Variants in FMN1 observed in about 807,000 individuals in gnomAD.
FMN1 encodes formin 1.
Under a neutral mutation model 132.4 loss-of-function variants are expected in FMN1, and 110 were observed. The observed-to-expected ratio is 0.83, with a 90% CI of 0.71 to 0.97. The LOEUF is 0.97. FMN1 is among the 50% of genes least tolerant of loss of function. The probability of loss-of-function intolerance (pLI) is 0.00; values close to 1 mark genes in which losing one functional copy is unlikely to be tolerated. For missense variants in FMN1, 1,792 were observed against 1,705.3 expected (o/e 1.05, Z -0.90); for synonymous variants, 722 against 651.7 (o/e 1.11, Z -1.64).
At chr15:32,964,701 C>T (rs532156119) in intron 8 of FMN1, among the ~76,000 whole-genome samples, 1 of 152,298 alleles carries the variant, frequency 6.6e-6, no homozygotes, top group South Asian at 2.1e-4. Flanking sequence ...GAAGTAAAGA[C>T]CTGCCTCCTC....
chr15:32,834,659 A>G (rs2058582931), intron 17 of FMN1, among the ~76,000 whole-genome samples: 1 of 152,326 alleles, frequency 6.6e-6, no homozygotes, highest in South Asian at 2.1e-4. Context: ...TCCCACCGTT[A>G]TTATTTTCAG....
At chr15:33,152,887 C>G (rs569501454) in intron 4 of FMN1, among the ~76,000 whole-genome samples, 161 bp downstream of exon 4, 1 of 151,604 alleles carries the variant, frequency 6.6e-6, no homozygotes, top group African/African-American at 2.4e-5. Flanking sequence ...ATCATCTCCA[C>G]ACCCCGCTGT....
At chr15:32,972,364 CGCA>C (rs988258179) in intron 7 of FMN1, among the ~76,000 whole-genome samples, 9 of 152,154 alleles carry the variant, frequency 5.9e-5, no homozygotes, top group African/African-American at 1.9e-4. Flanking sequence ...TCTTTTCCTT[CGCA>C]GCAGAACTTT....
chr15:32,868,877 C>T (rs1051686558), intron 16 of FMN1, among the ~76,000 whole-genome samples: 1 of 152,018 alleles, frequency 6.6e-6, no homozygotes, highest in African/African-American at 2.4e-5. Flanking sequence ...CATTTCTCCT[C>T]TAAAAAACAT....
At chr15:33,146,029 T>C (rs1174781570) in intron 4 of FMN1, among the ~76,000 whole-genome samples, 1 of 151,562 alleles carries the variant, frequency 6.6e-6, no homozygotes, top group Non-Finnish European at 1.5e-5. Flanking sequence ...AGGCTGGAGT[T>C]CAGTGGTGCA....
chr15:32,900,005 G>C lies in FMN1; in HGVS notation c.3628C>G (p.Pro1210Ala). Residue 1210 changes from proline (P) to alanine (A), a missense_variant, in exon 14 of 21, where the codon CCC (proline) becomes GCC (alanine). By Grantham distance (27) the Pro-to-Ala change is conservative (BLOSUM62 -1). Transcript: ENST00000616417. ...CGACTTTTGACATCCTTGAGTTTGG[G>C]CAGAATTTCTAAGCTATATCCATCG... ...QADGYSLEIL[P>A]KLKDVKSRDN... The C allele has an allele frequency of 6.2e-7, 1 of 1,613,762 alleles. No individual in the cohort carries two copies. Among genetic ancestry groups the C allele is most frequent in the Non-Finnish European group, 8.5e-7 (1 of 1,179,818 alleles).
chr15:33,187,492 T>A (rs1216287079), intron 2 of FMN1, among the ~76,000 whole-genome samples: 1 of 152,178 alleles, frequency 6.6e-6, no homozygotes, highest in Non-Finnish European at 1.5e-5. Flanking sequence ...CCTGGCAGTG[T>A]CCCCAGAGAG....
chr15:33,051,369 C>A (rs954332446), intron 6 of FMN1, among the ~76,000 whole-genome samples: 1 of 152,134 alleles, frequency 6.6e-6, no homozygotes, highest in Non-Finnish European at 1.5e-5. Context: ...AGTCAGAAGA[C>A]CAACTTTCTA....
At chr15:32,852,404 G>C (rs1348508182) in intron 17 of FMN1, among the ~76,000 whole-genome samples, 1 of 152,000 alleles carries the variant, frequency 6.6e-6, no homozygotes, top group Non-Finnish European at 1.5e-5. Context: ...TTGTTTTTGA[G>C]ACAGCGTCTT....
At chr15:33,136,988 T>G (rs1488715724) in intron 4 of FMN1, among the ~76,000 whole-genome samples, 1 of 144,400 alleles carries the variant, frequency 6.9e-6, no homozygotes, top group Non-Finnish European at 1.5e-5. Flanking sequence ...CCTGGGAGGC[T>G]GAAGCAGAAG....
chr15:33,033,806 A>G (rs2036062752), intron 6 of FMN1, among the ~76,000 whole-genome samples: 1 of 152,118 alleles, frequency 6.6e-6, no homozygotes, highest in Non-Finnish European at 1.5e-5. Flanking sequence ...TGAGAAGATC[A>G]CAGTATTGTC....
chr15:32,843,568 A>G (rs1399396133), intron 17 of FMN1, among the ~76,000 whole-genome samples: 1 of 152,238 alleles, frequency 6.6e-6, no homozygotes, highest in African/African-American at 2.4e-5. Flanking sequence ...GTGGCTTTCT[A>G]CATTACTTAC....
At chr15:33,056,824 A>G (rs927732385) in intron 6 of FMN1, among the ~76,000 whole-genome samples, 2 of 152,370 alleles carry the variant, frequency 1.3e-5, no homozygotes, top group African/African-American at 2.4e-5. Flanking sequence ...TCTCACAAGC[A>G]TAACGTTAAC....
chr15:33,133,582 G>A (rs545269924), intron 4 of FMN1, among the ~76,000 whole-genome samples: 2 of 152,268 alleles, frequency 1.3e-5, no homozygotes, highest in East Asian at 3.9e-4. Flanking sequence ...ATAGAGATGA[G>A]GCTAGATGAC....
chr15:32,969,453 G>A lies in FMN1; in HGVS notation c.2248C>T (p.His750Tyr). The change falls in exon 8 of 21, where the codon CAT becomes TAT. Residue 750 changes from histidine to tyrosine, a missense_variant. His to Tyr is a moderately conservative substitution (Grantham distance 83). This residue lies in a region of FMN1 where 1,150 missense variants were observed against 1,043.1 expected (regional missense o/e 1.10). Coordinates refer to ENST00000616417, the MANE Select transcript of FMN1 (RefSeq NM_001277313.2). ...ATCATTGCATGCTCGCCCCGGATAT[G>A]AAATGCCCGAAGTTCAAACTGTGCC... ...LQAQFELRAF[H>Y]IRGEHAMITA... 1 of 1,613,854 alleles carries A rather than the reference G, an allele frequency of 6.2e-7. No individual in the cohort carries two copies. The highest frequency in any genetic ancestry group is 8.5e-7 in the Non-Finnish European group (1 of 1,179,816).
At chr15:32,801,425 T>C (rs1595946952) in intron 18 of FMN1, among the ~76,000 whole-genome samples, 1 of 152,314 alleles carries the variant, frequency 6.6e-6, no homozygotes, top group African/African-American at 2.4e-5. Flanking sequence ...GAGGATGGCC[T>C]GGCTTTGGCA....
chr15:33,150,435 A>G, intron 4 of FMN1: 3 of 985,450 alleles, frequency 3.0e-6, no homozygotes, highest in South Asian at 9.4e-5. Context: ...TTGTTAGTAT[A>G]TTCTCTATTT....
chr15:33,152,555 C>G (rs1296817234), intron 4 of FMN1, among the ~76,000 whole-genome samples: 4 of 151,904 alleles, frequency 2.6e-5, no homozygotes, highest in Non-Finnish European at 5.9e-5. Flanking sequence ...TAAAAACAAA[C>G]AAACAAAAAC....
intron 9 of FMN1, among the ~76,000 whole-genome samples, chr15:32,954,254 C>G (rs919383081): frequency 6.6e-6 from 1 of 152,096 alleles, no homozygotes; most frequent in African/African-American, 2.4e-5. Flanking sequence ...AAAATCAGAA[C>G]AATTATTTCC....
Sources: gnomAD v4.1 joint callset for allele counts (sites outside exome capture counted in the v4.1 genomes callset) on GRCh38, gnomAD v4.1.1 for gene constraint, gnomAD v4.1.1 regional missense constraint, MANE v1.5 for transcripts, NCBI Gene and HGNC (gene_info 2026-07-23, HGNC 2026-07-21) for gene names.